Variants in CNTN1 observed in about 807,000 individuals in gnomAD.
CNTN1 encodes contactin 1.
CNTN1 carries 38 observed loss-of-function variants against 126.4 expected under a neutral mutation model. That is an observed-to-expected ratio of 0.30 (90% confidence interval 0.23 to 0.39). The LOEUF is 0.39. Among genes scored for constraint, CNTN1 ranks in the 10% least tolerant of loss-of-function variants. CNTN1 has a pLI of 1.00. For missense variants in CNTN1, 1,009 were observed against 1,248.4 expected, an observed-to-expected ratio of 0.81 and a Z score of 2.89; for synonymous variants, 413 against 422.6, an observed-to-expected ratio of 0.98 and a Z score of 0.28.
At chr12:40,853,348 C>T (rs1266181197) in intron 1 of CNTN1, among the ~76,000 whole-genome samples, 1 of 152,144 alleles carries the variant, frequency 6.6e-6, no homozygotes, top group African/African-American at 2.4e-5. Flanking sequence ...AAATCAATGG[C>T]TCCATTATTA....
At chr12:40,788,502 G>A (rs553411577) in intron 1 of CNTN1, among the ~76,000 whole-genome samples, 1 of 152,158 alleles carries the variant, frequency 6.6e-6, no homozygotes, top group Admixed American at 6.6e-5. Context: ...CCTATTTGGG[G>A]CTCCTGATAG....
At chr12:41,018,398 C>G (rs1054850139) in intron 19 of CNTN1, among the ~76,000 whole-genome samples, 11 of 151,922 alleles carry the variant, frequency 7.2e-5, no homozygotes, top group Non-Finnish European at 4.4e-5. Flanking sequence ...GAAATTCTCA[C>G]GTATATTCAT....
rs539959817 is a variant in CNTN1 at position 40,946,434 on chromosome 12, A to G, written c.1683+2264A>G. 3.3e-5 allele frequency among the ~76,000 whole-genome samples: 5 copies of G among 152,208 alleles called. No homozygotes were observed. The East Asian group carries it at 5.8e-4, about 18-fold the overall frequency. On this transcript the variant is annotated intron_variant, in intron 14 of 23. Transcript: ENST00000551295. Reference sequence around the variant, plus strand: ...TTCAACAATTGAATAGCATTTGTTCATTAAGAATATGTACTAAGCACATGC... The same window carrying G: ...TTCAACAATTGAATAGCATTTGTTCGTTAAGAATATGTACTAAGCACATGC...
intron 1 of CNTN1, among the ~76,000 whole-genome samples, chr12:40,709,480 A>G (rs1246165394): frequency 6.6e-6 from 1 of 152,224 alleles, no homozygotes; most frequent in Non-Finnish European, 1.5e-5. Flanking sequence ...AAGCTACATT[A>G]GCTACTAACA....
At chr12:41,065,333 G>A (rs931565534) in intron 23 of CNTN1, among the ~76,000 whole-genome samples, 2 of 152,174 alleles carry the variant, frequency 1.3e-5, no homozygotes, top group Non-Finnish European at 2.9e-5. Flanking sequence ...GGGATTACAG[G>A]CGTGAGCCAC....
intron 1 of CNTN1, among the ~76,000 whole-genome samples, chr12:40,877,976 AAC>A (rs1491468261): frequency 1.4e-5 from 2 of 146,800 alleles, no homozygotes; most frequent in Non-Finnish European, 3.0e-5. Context: ...CCACCAAAGA[AAC>A]AGTTTTTTCC....
chr12:40,886,444 T>C (rs1222661612), intron 1 of CNTN1, among the ~76,000 whole-genome samples: 2 of 152,170 alleles, frequency 1.3e-5, no homozygotes, highest in Non-Finnish European at 2.9e-5. Flanking sequence ...TTAAGAGTCT[T>C]TTATCGTAGA....
At position 40,768,406 on chromosome 12, in the gene CNTN1, AATCCCTTAT is replaced by A. The variant is rs1218724816; in HGVS notation, c.-77+75816_-77+75824del. 2.4e-5 allele frequency among the ~76,000 whole-genome samples: 3 copies of A among 123,502 alleles called. No individual in the cohort carries two copies. In the East Asian group the frequency reaches 8.5e-4, roughly 35 times the overall value. 81.0% of individuals were successfully genotyped at this position (123,502 alleles called of 152,430 possible). A position where few individuals can be genotyped will look rare whatever the true frequency, so the allele number is the denominator to read the frequency against. Reference sequence around the variant, plus strand: ...AACACCTGTTTGTACTGCTTTTACAAATCCCTTATAAGCACACACTAATTAGGAAATCAT... The same window carrying A: ...AACACCTGTTTGTACTGCTTTTACAAAAGCACACACTAATTAGGAAATCAT... On this transcript the variant is annotated intron_variant, in intron 1 of 23. Coordinates refer to ENST00000551295, the MANE Select transcript of CNTN1 (RefSeq NM_001843.4).
chr12:40,943,296 C>T (rs1946320839), intron 12 of CNTN1, among the ~76,000 whole-genome samples: 1 of 152,014 alleles, frequency 6.6e-6, no homozygotes, highest in South Asian at 2.1e-4. Context: ...TTCTGGGAGA[C>T]CGGGGCTCAT....
chr12:40,713,488 C>A (rs1364301745), intron 1 of CNTN1, among the ~76,000 whole-genome samples: 1 of 151,082 alleles, frequency 6.6e-6, no homozygotes, highest in Non-Finnish European at 1.5e-5. Flanking sequence ...TAAACTTACT[C>A]AGTGATTTCT....
At chr12:40,961,200 G>C (rs1268075169) in intron 15 of CNTN1, among the ~76,000 whole-genome samples, 1 of 151,882 alleles carries the variant, frequency 6.6e-6, no homozygotes, top group Admixed American at 6.6e-5. Flanking sequence ...AAACCATACA[G>C]GTACATGAAA....
intron 23 of CNTN1, among the ~76,000 whole-genome samples, chr12:41,055,019 G>A (rs1949771755): frequency 6.6e-6 from 1 of 152,016 alleles, no homozygotes; most frequent in Admixed American, 6.6e-5. Context: ...TTTCTTCTAG[G>A]TTAATAACTT....
chr12:41,013,172 G>A (rs181357337), intron 17 of CNTN1, among the ~76,000 whole-genome samples: 14 of 152,222 alleles, frequency 9.2e-5, no homozygotes, highest in African/African-American at 3.1e-4. Flanking sequence ...GGGAAGGTTG[G>A]TCACTGTACC....
At chr12:40,846,190 A>AG (rs1445702894) in intron 1 of CNTN1, among the ~76,000 whole-genome samples, 1 of 152,034 alleles carries the variant, frequency 6.6e-6, no homozygotes, top group Non-Finnish European at 1.5e-5. Flanking sequence ...GATTGGGGTG[A>AG]GGGTAAAAAA....
At chr12:41,001,238 C>CT (rs1486544196) in intron 17 of CNTN1, among the ~76,000 whole-genome samples, 4 of 152,034 alleles carry the variant, frequency 2.6e-5, no homozygotes, top group African/African-American at 9.7e-5. Flanking sequence ...TAAGTGTTCC[C>CT]TTTTTCTCCA....
chr12:40,713,642 G>T (rs1455911060), intron 1 of CNTN1, among the ~76,000 whole-genome samples: 2 of 151,910 alleles, frequency 1.3e-5, no homozygotes, highest in African/African-American at 4.8e-5. Flanking sequence ...AGAGAAGTTG[G>T]CTGTAGATGT....
At chr12:40,804,516 C>G (rs74076649) in intron 1 of CNTN1, among the ~76,000 whole-genome samples, 1,934 of 151,950 alleles carry the variant, frequency 0.013, 32 homozygotes, top group African/African-American at 0.044. Context: ...GTTGCCTGAC[C>G]CCGTATTAGA....
At chr12:40,886,358 G>C (rs1298304944) in intron 1 of CNTN1, among the ~76,000 whole-genome samples, 1 of 152,022 alleles carries the variant, frequency 6.6e-6, no homozygotes, top group Non-Finnish European at 1.5e-5. Flanking sequence ...CAAATCCTGT[G>C]TGTTGGTTTG....
At chr12:41,065,603 G>C (rs1450071404) in intron 23 of CNTN1, among the ~76,000 whole-genome samples, 1 of 152,166 alleles carries the variant, frequency 6.6e-6, no homozygotes, top group African/African-American at 2.4e-5. Context: ...ATCTGGATTA[G>C]TTCTGTTTCT....
Sources: gnomAD v4.1 joint callset for allele counts (sites outside exome capture counted in the v4.1 genomes callset) on GRCh38, gnomAD v4.1.1 for gene constraint, MANE v1.5 for transcripts, NCBI Gene and HGNC (gene_info 2026-07-23, HGNC 2026-07-21) for gene names.